The following LEKR1 variants were observed in gnomAD, a reference collection of about 807,000 sequenced individuals.
LEKR1 encodes protein LEKR1.
In LEKR1, 59 loss-of-function variants were observed where a neutral mutation model predicts 72.4. The ratio of observed to expected loss-of-function variants is 0.82; its 90% confidence interval spans 0.66 to 1.01. The LOEUF (loss-of-function observed/expected upper bound fraction) is 1.01. LEKR1 is among the 50% of genes least tolerant of loss of function. LEKR1 has a pLI of 0.00. For missense variants in LEKR1, 728 were observed against 759.2 expected, an observed-to-expected ratio of 0.96 and a Z score of 0.48; for synonymous variants, 257 against 263.2, an observed-to-expected ratio of 0.98 and a Z score of 0.23.
intron 10 of LEKR1, among the ~76,000 whole-genome samples, chr3:157,012,656 C>G (rs987978524): frequency 1.3e-5 from 2 of 152,140 alleles, no homozygotes; most frequent in Non-Finnish European, 1.5e-5. Flanking sequence ...CATCAGGGTA[C>G]ACAGTCACGA....
At chr3:157,009,601 A>C (rs1351817132) in intron 9 of LEKR1, among the ~76,000 whole-genome samples, 1 of 152,080 alleles carries the variant, frequency 6.6e-6, no homozygotes, top group Non-Finnish European at 1.5e-5. Flanking sequence ...TTAATTAACT[A>C]TTTCTTTGCT....
intron 6 of LEKR1, among the ~76,000 whole-genome samples, chr3:156,976,588 C>T (rs1356634681): frequency 6.6e-6 from 1 of 152,136 alleles, no homozygotes; most frequent in Non-Finnish European, 1.5e-5. Context: ...CAGTTTACTG[C>T]ATATTTCATT....
intron 2 of LEKR1, among the ~76,000 whole-genome samples, chr3:156,829,987 A>G (rs1712155622): frequency 6.6e-6 from 1 of 152,234 alleles, no homozygotes; most frequent in Non-Finnish European, 1.5e-5. Flanking sequence ...CTACCATAAA[A>G]TATGCACAAA....
chr3:156,886,389 A>G (rs1259773127), intron 3 of LEKR1, among the ~76,000 whole-genome samples: 2 of 151,638 alleles, frequency 1.3e-5, no homozygotes, highest in African/African-American at 4.9e-5. Flanking sequence ...CCATATGCCC[A>G]CTCCATCAGT....
At chr3:156,850,817 C>G (rs76716711) in intron 2 of LEKR1, among the ~76,000 whole-genome samples, 1 of 142,486 alleles carries the variant, frequency 7.0e-6, no homozygotes, top group Non-Finnish European at 1.6e-5. Context: ...GCCAGGGCTG[C>G]TATGGATTCT....
intron 3 of LEKR1, among the ~76,000 whole-genome samples, chr3:156,862,190 A>AT (rs1267865806): frequency 2.0e-5 from 3 of 151,682 alleles, no homozygotes; most frequent in Non-Finnish European, 4.4e-5. Context: ...AATAAGGTAC[A>AT]TTTTTTTTCT....
chr3:156,869,020 C>G (rs1056999813), intron 3 of LEKR1, among the ~76,000 whole-genome samples: 3 of 152,018 alleles, frequency 2.0e-5, no homozygotes, highest in African/African-American at 7.2e-5. Flanking sequence ...CTGCAAATGG[C>G]ATGATTTCAT....
At chr3:156,992,619 A>G (rs745941461) in intron 7 of LEKR1, 34 bp from the exon 8 acceptor site, 1 of 419,036 alleles carries the variant, frequency 2.4e-6, no homozygotes, top group South Asian at 2.9e-5. Flanking sequence ...TTATTTTGAA[A>G]TAATATATTT....
At chr3:156,988,383 G>T in intron 7 of LEKR1, 1 of 228,186 alleles carries the variant, frequency 4.4e-6, no homozygotes, top group Non-Finnish European at 9.3e-6. Context: ...GGGAGCTGAT[G>T]ATGTGCGAGG....
At chr3:156,876,139 G>A (rs949695815) in intron 3 of LEKR1, among the ~76,000 whole-genome samples, 1 of 152,028 alleles carries the variant, frequency 6.6e-6, no homozygotes, top group African/African-American at 2.4e-5. Context: ...TCAGGTGGCT[G>A]TAAGTATTTG....
chr3:156,833,907 CT>C (rs755251498), intron 2 of LEKR1, among the ~76,000 whole-genome samples: 389 of 138,950 alleles, frequency 2.8e-3, no homozygotes, highest in Middle Eastern at 3.8e-3. Context: ...CCCTTTTTTC[CT>C]TTTTTTTTTT....
chr3:156,907,368 T>G (rs903532425), intron 3 of LEKR1, among the ~76,000 whole-genome samples: 5 of 152,116 alleles, frequency 3.3e-5, no homozygotes, highest in Admixed American at 2.0e-4. Context: ...CATTGATAAA[T>G]CTTGGCATTC....
intron 3 of LEKR1, among the ~76,000 whole-genome samples, chr3:156,912,376 A>G (rs1723196583): frequency 6.6e-6 from 1 of 152,164 alleles, no homozygotes; most frequent in Non-Finnish European, 1.5e-5. Context: ...TCTGCTGCAC[A>G]GTAGAGTTCG....
chr3:156,942,924 A>T (rs1033034312), intron 6 of LEKR1: 3 of 280,572 alleles, frequency 1.1e-5, no homozygotes, highest in African/African-American at 7.1e-5. Flanking sequence ...GTGTGGTAAG[A>T]CTTAAGTGAA....
rs547687742 is a variant in LEKR1, at chr3:157,046,021, T to C, written c.*271T>C. 3.3e-5 allele frequency: 11 copies of C among 332,932 alleles called. No homozygotes were observed. In the South Asian group the frequency reaches 5.9e-4, roughly 18 times the overall value. 20.6% of individuals were successfully genotyped at this position (332,932 alleles called of 1,614,324 possible). A position where few individuals can be genotyped will look rare whatever the true frequency, so the allele number is the denominator to read the frequency against. On this transcript the variant is annotated 3_prime_UTR_variant, in exon 13 of 13. Transcript: ENST00000356539. ...TATGTTGGAATGTGCTCTATGAATA[T>C]AGCCTTTTAGAGATCACAGGTAAAA... is the stretch of plus-strand genomic sequence containing the variant.
At chr3:156,936,409 C>G (rs1725702708) in intron 5 of LEKR1, among the ~76,000 whole-genome samples, 1 of 142,620 alleles carries the variant, frequency 7.0e-6, no homozygotes, top group African/African-American at 2.8e-5. Context: ...CTTCAGTGTC[C>G]TCATCTGTAC....
At chr3:157,001,543 T>C (rs534183312) in intron 9 of LEKR1, among the ~76,000 whole-genome samples, 5 of 152,214 alleles carry the variant, frequency 3.3e-5, no homozygotes. Flanking sequence ...CTCATTTTCC[T>C]TTTGGTCCAA....
intron 9 of LEKR1, among the ~76,000 whole-genome samples, chr3:157,004,181 T>C (rs1306856586): frequency 1.3e-5 from 2 of 152,098 alleles, no homozygotes; most frequent in Non-Finnish European, 2.9e-5. Flanking sequence ...AAAGCTGTAA[T>C]GGCTTTACAA....
chr3:156,970,902 T>C (rs1278901724), intron 6 of LEKR1, among the ~76,000 whole-genome samples: 1 of 151,918 alleles, frequency 6.6e-6, no homozygotes. Flanking sequence ...GTCATGAAAA[T>C]GGCCATACTG....
Sources: gnomAD v4.1 joint callset for allele counts (sites outside exome capture counted in the v4.1 genomes callset) on GRCh38, gnomAD v4.1.1 for gene constraint, MANE v1.5 for transcripts, NCBI Gene and HGNC (gene_info 2026-07-23, HGNC 2026-07-21) for gene names.